Variants in CCHCR1 observed in about 807,000 individuals in gnomAD.
CCHCR1 encodes the protein coiled-coil alpha-helical rod protein 1.
CCHCR1 carries 91 observed loss-of-function variants against 114.6 expected under a neutral mutation model. The observed-to-expected ratio is 0.79, with a 90% confidence interval of 0.67 to 0.94. The LOEUF (loss-of-function observed/expected upper bound fraction) is 0.94. Ranked by LOEUF, CCHCR1 falls within the 40% of genes least tolerant of loss-of-function variation. CCHCR1 has a pLI of 0.00. For synonymous variants in CCHCR1, 379 were observed against 428.5 expected (o/e 0.88, Z 1.43); for missense variants, 899 against 1,079.9 (o/e 0.83, Z 2.35).
At position 31,150,278 on chromosome 6, in the gene CCHCR1, T is replaced by A. The variant is rs774395595; in HGVS notation, c.1213-63A>T. On this transcript the variant is annotated intron_variant, in intron 7 of 17. Coordinates refer to ENST00000396268, the MANE Select transcript of CCHCR1 (RefSeq NM_001105564.2). This position sits in a 1 kb window ranked among gnomAD's most constrained non-coding sequence, Gnocchi z 5.3. ...GGGGGAGGAGAGGAAGGAGGTGGCATCTTTGTTTCTCCTCTGTCCTGCCTG... is the reference window on the plus strand; with the variant it reads ...GGGGGAGGAGAGGAAGGAGGTGGCAACTTTGTTTCTCCTCTGTCCTGCCTG... The A allele has an allele frequency of 1.9e-6, 3 of 1,553,954 alleles. No individual in the cohort carries two copies. The highest frequency in any genetic ancestry group is 2.7e-5 in the African/African-American group (2 of 73,610).
rs149604192 is a variant in CCHCR1 at position 31,149,523 on chromosome 6, G to A, written c.1362+543C>T. ...TGGGATCACAGTTCACTGTGGCCTC[G>A]CCTCGACCTCCCAGCCTCAGGTGAT... On this transcript the variant is annotated intron_variant, in intron 8 of 17. Transcript: ENST00000396268. The A allele has an allele frequency of 3.4e-3, 516 of 152,474 alleles. 5 individuals carry two copies. The highest frequency in any genetic ancestry group is 0.027 in the Middle Eastern group (8 of 294). 9.4% of individuals were successfully genotyped at this position (152,474 alleles called of 1,614,324 possible).
chr6:31,148,724 G>T lies in CCHCR1; in HGVS notation c.1367C>A (p.Ala456Asp). The T allele has an allele frequency of 6.2e-7, 1 of 1,602,680 alleles. No individual in the cohort carries two copies. Among genetic ancestry groups the T allele is most frequent in the Non-Finnish European group, 8.5e-7 (1 of 1,170,694 alleles). The change falls in exon 9 of 18, where the codon GCC becomes GAC. Residue 456 changes from alanine (A) to aspartate (D), a missense_variant. Coordinates refer to ENST00000396268, the MANE Select transcript of CCHCR1 (RefSeq NM_001105564.2). Reference protein sequence around the residue: ...DSVKQLKGQVASLQEKVTSQS... With the variant: ...DSVKQLKGQVDSLQEKVTSQS... ...GGATGTCACTTTTTCCTGGAGTGAG[G>T]CCACCTGGGGGAGGAGAGAGAGCTA...
rs577077060 is a variant in CCHCR1, at chr6:31,154,561, G to A, written c.736C>T (p.Arg246Trp). ...RAALAGAEVV[R>W]KNLEEGSQRE... is the part of the protein sequence containing the mutation. The stretch of plus-strand genomic sequence containing the variant: ...TGGCTCCCCTCTTCCAAGTTCTTCC[G>A]GACAACCTCAGCCCCAGCCAAAGCA... Residue 246 changes from arginine to tryptophan, a missense_variant, in exon 4 of 18, where the codon CGG (arginine) becomes TGG (tryptophan). By Grantham distance (101) the Arg-to-Trp change is moderately radical. Coordinates refer to ENST00000396268, the MANE Select transcript of CCHCR1 (RefSeq NM_001105564.2). The surrounding 1 kb of genome is among the most constrained non-coding windows in gnomAD (Gnocchi z 4.1). The A allele has an allele frequency of 1.1e-4, 178 of 1,613,032 alleles. 1 individual carries two copies. In the South Asian group the frequency reaches 1.7e-3, roughly 16 times the overall value.
chr6:31,150,045 G>A lies in CCHCR1; in HGVS notation c.1362+21C>T, dbSNP rs1774981580. 2.5e-6 allele frequency: 4 copies of A among 1,612,712 alleles called. No individual in the cohort carries two copies. Among genetic ancestry groups the A allele is most frequent in the East Asian group, 4.5e-5 (2 of 44,830 alleles). ...GCAAGGTGCTGGGAGGGAATACCGG[G>A]AGAAAAGAGAGTGCAGTGACCTGTC... On this transcript the variant is annotated intron_variant, in intron 8 of 17. Coordinates refer to ENST00000396268, the MANE Select transcript of CCHCR1 (RefSeq NM_001105564.2). The surrounding 1 kb of genome is among the most constrained non-coding windows in gnomAD (Gnocchi z 5.3).
In CCHCR1 at chr6:31,152,386, T is replaced by G. The variant is rs1178617678; in HGVS notation, c.802-1264A>C. Among the ~76,000 whole-genome samples, 8 of 152,046 alleles carry G rather than the reference T, an allele frequency of 5.3e-5. 1 individual carries two copies. Among genetic ancestry groups the G allele is most frequent in the Admixed American group, 2.0e-4 (3 of 15,268 alleles). ...TGGAGTTTCACTTTGTTGCCTAGACTGGAGTGCAATGGCACGATCTCAGCT... is the reference window on the plus strand; with the variant it reads ...TGGAGTTTCACTTTGTTGCCTAGACGGGAGTGCAATGGCACGATCTCAGCT... On this transcript the variant is annotated intron_variant, in intron 4 of 17. Transcript: ENST00000396268.
rs1025794975 is a variant in CCHCR1 at position 31,144,238 on chromosome 6, G to A, written c.2167+449C>T. Among the ~76,000 whole-genome samples, 2 of 152,134 alleles carry A rather than the reference G, an allele frequency of 1.3e-5. No individual in the cohort carries two copies. The highest frequency in any genetic ancestry group is 6.5e-5 in the Admixed American group (1 of 15,270). On this transcript the variant is annotated intron_variant, in intron 15 of 17. Transcript: ENST00000396268. This position sits in a 1 kb window ranked among gnomAD's most constrained non-coding sequence, Gnocchi z 4.6. ...ACACATGGTCTTTCTCTATCACCCA[G>A]GCTTGAGTGCAGTGGCACAATCTTG...
chr6:31,144,057 A>AAAC lies in CCHCR1; in HGVS notation c.2167+627_2167+629dup, dbSNP rs9281228. On this transcript the variant is annotated intron_variant, in intron 15 of 17. Transcript: ENST00000396268. This position sits in a 1 kb window ranked among gnomAD's most constrained non-coding sequence, Gnocchi z 4.6. Reference sequence around the variant, plus strand: ...TGGTGACAGAGGAAGACTCTGTCTCAAACAACAACAACAACAAAACATTAA... The same window carrying AAAC: ...TGGTGACAGAGGAAGACTCTGTCTCAAACAACAACAACAACAACAAAACATTAA... Among the ~76,000 whole-genome samples, 33,613 of 150,480 alleles carry AAAC rather than the reference A, an allele frequency of 0.22. 3,965 individuals are homozygous for AAAC. The highest frequency in any genetic ancestry group is 0.3 in the African/African-American group (12,250 of 40,330).
In CCHCR1 at chr6:31,154,585, C is replaced by G; in HGVS notation, c.712G>C (p.Ala238Pro). 1 of 1,613,096 alleles carries G rather than the reference C, an allele frequency of 6.2e-7. No individual in the cohort carries two copies. The highest frequency in any genetic ancestry group is 8.5e-7 in the Non-Finnish European group (1 of 1,180,012). ...CGGACAACCTCAGCCCCAGCCAAAG[C>G]AGCACGCAGGCCCTCAGCCTCAGCT... ...GRAEAEGLRA[A>P]LAGAEVVRKN... Residue 238 changes from alanine to proline, a missense_variant, in exon 4 of 18, where the codon GCT becomes CCT. Ala to Pro is a conservative substitution (Grantham distance 27). Transcript: ENST00000396268. This position sits in a 1 kb window ranked among gnomAD's most constrained non-coding sequence, Gnocchi z 4.1.
At position 31,146,175 on chromosome 6, in the gene CCHCR1, C is replaced by T. The variant is rs372292696; in HGVS notation, c.1581-367G>A. 3.4e-3 allele frequency among the ~76,000 whole-genome samples: 515 copies of T among 152,156 alleles called. 5 individuals carry two copies. The highest frequency in any genetic ancestry group is 0.027 in the Middle Eastern group (8 of 294). On this transcript the variant is annotated intron_variant, in intron 10 of 17. Transcript: ENST00000396268. The stretch of plus-strand genomic sequence containing the variant: ...AGCCTGGCCAACATGGTGAAACTCT[C>T]TCTACTTAAAAACACAAAAATTAGC...
rs1194517381 is a variant in CCHCR1 at position 31,144,446 on chromosome 6, C to T, written c.2167+241G>A. ...CTGACCTCAGGTGATACACCCACCT[C>T]GGCCTCCCAAAGTGCTTGGATTACA... On this transcript the variant is annotated intron_variant, in intron 15 of 17. Coordinates refer to ENST00000396268, the MANE Select transcript of CCHCR1 (RefSeq NM_001105564.2). This position sits in a 1 kb window ranked among gnomAD's most constrained non-coding sequence, Gnocchi z 4.6. The T allele has an allele frequency of 2.9e-5, 13 of 445,376 alleles. No individual in the cohort carries two copies. Among genetic ancestry groups the T allele is most frequent in the Non-Finnish European group, 5.1e-5 (13 of 253,136 alleles). The allele number at this position is 445,376 out of a possible 1,614,324, so 27.6% of individuals were successfully genotyped here.
In CCHCR1 at chr6:31,143,349, C is replaced by T. The variant is rs1159411945; in HGVS notation, c.2232G>A (p.Arg744=). The part of the protein sequence containing the change: ...AQEKERSQEL[R]RLQEEARKEE... ...CCTTCCGGGCCTCCTCCTGCAGACG[C>T]CTGAGTTCCTGGCTCCGCTCCTTTT... Residue 744 remains arginine, a synonymous_variant, in exon 16 of 18, where the codon AGG becomes AGA. Transcript: ENST00000396268. This position sits in a 1 kb window ranked among gnomAD's most constrained non-coding sequence, Gnocchi z 5.3. The T allele has an allele frequency of 3.1e-6, 5 of 1,612,876 alleles. No individual in the cohort carries two copies. The highest frequency in any genetic ancestry group is 4.2e-6 in the Non-Finnish European group (5 of 1,180,052).
At position 31,154,781 on chromosome 6, in the gene CCHCR1, C is replaced by A. The variant is rs1271190872; in HGVS notation, c.516G>T (p.Gly172=). 1 of 1,603,768 alleles carries A rather than the reference C, an allele frequency of 6.2e-7. No individual in the cohort carries two copies. The highest frequency in any genetic ancestry group is 8.5e-7 in the Non-Finnish European group (1 of 1,179,436). ...GRRGRSWGLE[G]SQALSQQAEV... ...CAGCCTGCTGGCTCAGGGCCTGTGA[C>A]CCCTCCAGCCCCCAGGACCTTCAAA... The change falls in exon 4 of 18, where the codon GGG becomes GGT. Residue 172 remains glycine (G), a synonymous_variant. Transcript: ENST00000396268. This position sits in a 1 kb window ranked among gnomAD's most constrained non-coding sequence, Gnocchi z 4.1.
Position 31,151,915 on chromosome 6 carries a change from TACA to T in CCHCR1, c.802-796_802-794del, listed in dbSNP as rs975437146. 1.3e-5 allele frequency among the ~76,000 whole-genome samples: 2 copies of T among 152,136 alleles called. No individual in the cohort carries two copies. The highest frequency in any genetic ancestry group is 2.4e-5 in the African/African-American group (1 of 41,426). ...TCTGCCTCCTCTAGCCCTGTCTCCATACAACAATAAAATTAATTTGGGGGACAT... is the reference window on the plus strand; with the variant it reads ...TCTGCCTCCTCTAGCCCTGTCTCCATACAATAAAATTAATTTGGGGGACAT... On this transcript the variant is annotated intron_variant, in intron 4 of 17. Transcript: ENST00000396268. This position sits in a 1 kb window ranked among gnomAD's most constrained non-coding sequence, Gnocchi z 4.1.
chr6:31,145,295 G>A lies in CCHCR1; in HGVS notation c.1747C>T (p.Leu583=). 1.2e-6 allele frequency: 2 copies of A among 1,613,938 alleles called. No homozygotes were observed. The highest frequency in any genetic ancestry group is 1.7e-6 in the Non-Finnish European group (2 of 1,179,888). The change falls in exon 13 of 18, where the codon CTA becomes TTA. Residue 583 remains leucine, a synonymous_variant. Transcript: ENST00000396268. ...CTCACGTCTGTGACCGGTGGTGGTA[G>A]GGGACAGCTGGGACGGGGAAGAGAA... The part of the protein sequence containing the change: ...LAQLRQESCP[L]PPPVTDVSLE...
chr6:31,154,955 T>G lies in CCHCR1; in HGVS notation c.498-156A>C, dbSNP rs1233419806. 1.3e-5 allele frequency among the ~76,000 whole-genome samples: 2 copies of G among 152,110 alleles called. No individual in the cohort carries two copies. Among genetic ancestry groups the G allele is most frequent in the Non-Finnish European group, 2.9e-5 (2 of 68,012 alleles). ...AGCTGGGGTATGGGGATGTCTGCATTGACATCATCATCATTCATCAAAGCC... is the reference window on the plus strand; with the variant it reads ...AGCTGGGGTATGGGGATGTCTGCATGGACATCATCATCATTCATCAAAGCC... On this transcript the variant is annotated intron_variant, in intron 3 of 17. Coordinates refer to ENST00000396268, the MANE Select transcript of CCHCR1 (RefSeq NM_001105564.2). This position sits in a 1 kb window ranked among gnomAD's most constrained non-coding sequence, Gnocchi z 4.1.
intron 1 of CCHCR1, 63 bp downstream of exon 1, chr6:31,157,322 G>T: frequency 1.4e-6 from 2 of 1,387,124 alleles, no homozygotes; most frequent in Non-Finnish European, 1.0e-6. Context: ...TACTGAAAGA[G>T]ACAGACTGAG....
chr6:31,154,411 C>T lies in CCHCR1; in HGVS notation c.801+85G>A. ...CTACTACTCACTACTCATGGAGGGT[C>T]TTTTCTGCAATACCTGTTCTTTGCT... On this transcript the variant is annotated intron_variant, in intron 4 of 17. Coordinates refer to ENST00000396268, the MANE Select transcript of CCHCR1 (RefSeq NM_001105564.2). This position sits in a 1 kb window ranked among gnomAD's most constrained non-coding sequence, Gnocchi z 4.1. 9.2e-7 allele frequency: 1 copy of T among 1,083,800 alleles called. No individual in the cohort carries two copies. Among genetic ancestry groups the T allele is most frequent in the Non-Finnish European group, 1.4e-6 (1 of 726,670 alleles). 67.1% of individuals were successfully genotyped at this position (1,083,800 alleles called of 1,614,324 possible). A position where few individuals can be genotyped will look rare whatever the true frequency, so the allele number is the denominator to read the frequency against.
chr6:31,151,159 C>A lies in CCHCR1; in HGVS notation c.802-37G>T. The A allele has an allele frequency of 6.3e-7, 1 of 1,590,416 alleles. No individual in the cohort carries two copies. The highest frequency in any genetic ancestry group is 1.3e-5 in the African/African-American group (1 of 74,136). On this transcript the variant is annotated intron_variant, in intron 4 of 17. Coordinates refer to ENST00000396268, the MANE Select transcript of CCHCR1 (RefSeq NM_001105564.2). This position sits in a 1 kb window ranked among gnomAD's most constrained non-coding sequence, Gnocchi z 4.1. ...AGAGGGGGCTCAGCAGAGGCTCGAC[C>A]CCACATGGAGGCCTTCCTTGTTCCC... is the stretch of plus-strand genomic sequence containing the variant.
chr6:31,157,002 C>G, intron 2 of CCHCR1, 21 bp downstream of exon 2: 1 of 1,611,100 alleles, frequency 6.2e-7, no homozygotes, highest in East Asian at 2.2e-5. Flanking sequence ...ACCACCACTC[C>G]CCTTGTCTGG....
Sources: gnomAD v4.1 joint callset for allele counts (sites outside exome capture counted in the v4.1 genomes callset) on GRCh38, gnomAD v4.1.1 for gene constraint, Gnocchi (gnomAD v3.1) non-coding constraint, MANE v1.5 for transcripts, NCBI Gene and HGNC (gene_info 2026-07-23, HGNC 2026-07-21) for gene names.